The following TBC1D30 variants were observed in gnomAD, a reference collection of about 807,000 sequenced individuals.
TBC1D30 encodes TBC1 domain family, member 30.
TBC1D30 carries 31 observed loss-of-function variants against 63.2 expected under a neutral mutation model. That is an observed-to-expected ratio of 0.49 (90% CI 0.37 to 0.66). The LOEUF (loss-of-function observed/expected upper bound fraction) is 0.66. Ranked by LOEUF, TBC1D30 falls within the 30% of genes least tolerant of loss-of-function variation. The probability of loss-of-function intolerance (pLI) is 0.00; values close to 1 mark genes in which losing one functional copy is unlikely to be tolerated. For missense variants in TBC1D30, 810 were observed against 953.6 expected, an observed-to-expected ratio of 0.85 and a Z score of 1.98; for synonymous variants, 307 against 361.5, an observed-to-expected ratio of 0.85 and a Z score of 1.71.
intron 8 of TBC1D30, 84 bp from the exon 9 acceptor site, chr12:64,864,584 A>G: frequency 1.0e-6 from 1 of 965,358 alleles, no homozygotes; most frequent in Non-Finnish European, 1.6e-6. Context: ...ACTCGACTTC[A>G]TAAAACTTTA....
In TBC1D30 at chr12:64,877,037, TA is replaced by T. The variant is rs1266320055; in HGVS notation, c.*1254del. The stretch of plus-strand genomic sequence containing the variant: ...ACAGATGTATTGGCTACATAGCGTG[TA>T]AAAACCAAGACTGGGAAGCCATTCA... On this transcript the variant is annotated 3_prime_UTR_variant, in exon 12 of 12. Coordinates refer to ENST00000539867, the MANE Select transcript of TBC1D30 (RefSeq NM_015279.2). The T allele has an allele frequency of 8.2e-5, 31 of 380,106 alleles. No homozygotes were observed. The highest frequency in any genetic ancestry group is 1.1e-4 in the Non-Finnish European group (21 of 188,378). 23.5% of individuals were successfully genotyped at this position (380,106 alleles called of 1,614,324 possible).
intron 11 of TBC1D30, among the ~76,000 whole-genome samples, chr12:64,874,284 C>T (rs1235810412): frequency 2.0e-5 from 3 of 152,198 alleles, no homozygotes; most frequent in Non-Finnish European, 4.4e-5. Context: ...GACAGGGTTT[C>T]ACCATGTTGG....
chr12:64,786,689 A>G (rs988961580), intron 2 of TBC1D30, among the ~76,000 whole-genome samples: 6 of 152,046 alleles, frequency 3.9e-5, no homozygotes, highest in African/African-American at 1.4e-4. Flanking sequence ...GGTGGCTCAC[A>G]CCTATAATCC....
At chr12:64,833,164 T>C (rs1272620874) in intron 5 of TBC1D30, among the ~76,000 whole-genome samples, 1 of 152,194 alleles carries the variant, frequency 6.6e-6, no homozygotes, top group Non-Finnish European at 1.5e-5. Flanking sequence ...GAGCAAGATA[T>C]GGAGGAGTTG....
At chr12:64,762,249 C>T (rs1870543541) in intron 1 of TBC1D30, among the ~76,000 whole-genome samples, 1 of 152,258 alleles carries the variant, frequency 6.6e-6, no homozygotes, top group Non-Finnish European at 1.5e-5. Context: ...GTGGTTAGAG[C>T]AGAGGGAGAG....
intron 2 of TBC1D30, among the ~76,000 whole-genome samples, chr12:64,799,463 G>A (rs867916642): frequency 6.6e-6 from 1 of 152,222 alleles, no homozygotes; most frequent in South Asian, 2.1e-4. Context: ...TTTGCCATCA[G>A]CATTTGCATC....
intron 10 of TBC1D30, chr12:64,868,588 C>T: frequency 3.2e-6 from 1 of 311,922 alleles, no homozygotes; most frequent in Non-Finnish European, 6.1e-6. Context: ...ATCTTTTCGG[C>T]AAACTTCTTT....
At chr12:64,804,139 C>G (rs1872730726) in intron 2 of TBC1D30, among the ~76,000 whole-genome samples, 1 of 152,156 alleles carries the variant, frequency 6.6e-6, no homozygotes, top group South Asian at 2.1e-4. Context: ...GAATGTTCTT[C>G]CATTTGTTTG....
At position 64,824,673 on chromosome 12, in the gene TBC1D30, G is replaced by A. The variant is rs767566285; in HGVS notation, c.-207G>A. 8.5e-4 allele frequency: 512 copies of A among 602,734 alleles called. No individual in the cohort carries two copies. Among genetic ancestry groups the A allele is most frequent in the Non-Finnish European group, 1.2e-3 (419 of 363,692 alleles). 37.3% of individuals were successfully genotyped at this position (602,734 alleles called of 1,614,324 possible). ...GCCTTGCAGGCTCCGCACTGCAGAT[G>A]CCTGCTGGCTTCCCTGCGCTCGGCG... On this transcript the variant is annotated 5_prime_UTR_variant, in exon 1 of 12. It removes an upstream start codon present in the reference 5' UTR. Transcript: ENST00000539867.
rs1275859698 is a variant in TBC1D30 at position 64,843,407 on chromosome 12, T to A, written c.960T>A (p.Asp320Glu). The part of the protein sequence containing the change: ...GEQIECCETA[D>E]EFYSTMGRLT... ...AGATAGAATGTTGTGAAACAGCAGA[T>A]GAATTCTACAGCACCATGGGGCGCC... Residue 320 changes from aspartate to glutamate, a missense_variant, in exon 8 of 12, where the codon GAT becomes GAA. This residue lies in a region of TBC1D30 where 83 missense variants were observed against 121.5 expected (regional missense o/e 0.68). Transcript: ENST00000539867. 18 of 1,536,282 alleles carry A rather than the reference T, an allele frequency of 1.2e-5. No homozygotes were observed. The highest frequency in any genetic ancestry group is 3.9e-5 in the Admixed American group (2 of 50,986).
At chr12:64,774,511 T>G (rs1488123126) in intron 1 of TBC1D30, among the ~76,000 whole-genome samples, 1 of 151,554 alleles carries the variant, frequency 6.6e-6, no homozygotes, top group Non-Finnish European at 1.5e-5. Context: ...AAGGTCAAAA[T>G]GAAAGAAAAA....
At chr12:64,780,942 T>C in exon 1 of TBC1D30, 1 of 1,056,852 alleles carries the variant, frequency 9.5e-7, no homozygotes, top group Non-Finnish European at 1.2e-6. Flanking sequence ...GCCCCGCGCC[T>C]CCGGGGAGCG....
intron 8 of TBC1D30, among the ~76,000 whole-genome samples, chr12:64,855,519 ATTC>A (rs1877226916): frequency 6.6e-6 from 1 of 152,044 alleles, no homozygotes; most frequent in South Asian, 2.1e-4. Context: ...ATTATTTTTT[ATTC>A]TTTTTTCTTT....
chr12:64,807,587 T>C (rs533381980), intron 2 of TBC1D30, among the ~76,000 whole-genome samples: 11 of 152,288 alleles, frequency 7.2e-5, no homozygotes, highest in African/African-American at 2.2e-4. Flanking sequence ...ACATGGGTAG[T>C]TGGTGCTGTA....
intron 6 of TBC1D30, among the ~76,000 whole-genome samples, chr12:64,837,168 GA>G (rs1875438626): frequency 6.6e-6 from 1 of 152,128 alleles, no homozygotes. Context: ...TGTGCGTACA[GA>G]ATAGTCAGGA....
At chr12:64,787,381 G>A (rs890621833) in intron 2 of TBC1D30, 1 of 985,242 alleles carries the variant, frequency 1.0e-6, no homozygotes, top group Non-Finnish European at 1.2e-6. Flanking sequence ...AGTATGCTCA[G>A]GTATGGTAAA....
intron 1 of TBC1D30, chr12:64,759,692 C>T (rs1187032742): frequency 1.1e-5 from 2 of 187,984 alleles, no homozygotes; most frequent in Non-Finnish European, 2.2e-5. Flanking sequence ...TCTGGTAGGA[C>T]GTACGTGTTT....
chr12:64,784,651 T>C (rs1871457649), intron 1 of TBC1D30, among the ~76,000 whole-genome samples: 1 of 151,668 alleles, frequency 6.6e-6, no homozygotes, highest in South Asian at 2.1e-4. Context: ...TGATCATTTA[T>C]ATAAAGACAG....
At chr12:64,801,400 C>T (rs1592562771) in intron 2 of TBC1D30, among the ~76,000 whole-genome samples, 2 of 152,098 alleles carry the variant, frequency 1.3e-5, no homozygotes, top group African/African-American at 2.4e-5. Context: ...GTAGGCTTAG[C>T]GCTTATGAAC....
Sources: allele counts gnomAD v4.1 joint callset (sites outside exome capture counted in the v4.1 genomes callset), GRCh38; gene constraint gnomAD v4.1.1; regional missense constraint gnomAD v4.1.1; transcripts MANE v1.5; gene names NCBI Gene and HGNC (gene_info 2026-07-23, HGNC 2026-07-21).